AGBL4: variants seen among roughly 807,000 people sequenced by gnomAD.
AGBL4 encodes the protein cytosolic carboxypeptidase 6.
Under a neutral mutation model 66.4 loss-of-function variants are expected in AGBL4, and 58 were observed. The ratio of observed to expected loss-of-function variants is 0.87; its 90% CI spans 0.71 to 1.09. The LOEUF is 1.09. AGBL4 is among the 50% of genes least tolerant of loss of function. The pLI is 0.00. For missense variants in AGBL4, 579 were observed against 631.0 expected (o/e 0.92, Z 0.88); for synonymous variants, 234 against 222.9 (o/e 1.05, Z -0.44).
In AGBL4 at chr1:49,245,874, A is replaced by G; in HGVS notation, c.283-10T>C. The G allele has an allele frequency of 1.3e-6, 2 of 1,525,422 alleles. No individual in the cohort carries two copies. Among genetic ancestry groups the G allele is most frequent in the Non-Finnish European group, 1.8e-6 (2 of 1,124,010 alleles). 94.5% of individuals were successfully genotyped at this position (1,525,422 alleles called of 1,614,324 possible). ...TGTTGAAAATGACCCTCTGAAAAAG[A>G]AAGAGGGAGAAGTTCATCTTTATGC... On this transcript the variant is annotated splice_polypyrimidine_tract_variant and intron_variant, in intron 3 of 13. Transcript: ENST00000371839.
chr1:49,320,921 G>A (rs973202551), intron 3 of AGBL4, among the ~76,000 whole-genome samples: 3 of 152,166 alleles, frequency 2.0e-5, no homozygotes, highest in African/African-American at 4.8e-5. Context: ...GAGAGAAAGA[G>A]TGAAAGTAGA....
chr1:48,871,354 T>TGC (rs1648641415), intron 5 of AGBL4, among the ~76,000 whole-genome samples: 1 of 2,306 alleles, frequency 4.3e-4, no homozygotes, highest in Non-Finnish European at 4.3e-3. Context: ...TAGTAGTGGT[T>TGC]GTGTGTGTGT....
chr1:49,396,116 T>C (rs1269321659), intron 3 of AGBL4, among the ~76,000 whole-genome samples: 1 of 151,824 alleles, frequency 6.6e-6, no homozygotes, highest in Non-Finnish European at 1.5e-5. Context: ...CCCATGCTAA[T>C]CTTCACCTAT....
At chr1:49,500,019 C>T (rs1322680024) in intron 3 of AGBL4, among the ~76,000 whole-genome samples, 1 of 152,006 alleles carries the variant, frequency 6.6e-6, no homozygotes, top group Non-Finnish European at 1.5e-5. Context: ...CTTTTCACCA[C>T]ATCCACGTCA....
chr1:48,901,752 T>G (rs1055794030), intron 5 of AGBL4, among the ~76,000 whole-genome samples: 2 of 152,004 alleles, frequency 1.3e-5, no homozygotes, highest in Admixed American at 1.3e-4. Flanking sequence ...TGAGTGGGAA[T>G]AGGGGAGGGA....
At chr1:48,758,333 A>G (rs939100480) in intron 6 of AGBL4, among the ~76,000 whole-genome samples, 3 of 152,072 alleles carry the variant, frequency 2.0e-5, no homozygotes, top group Admixed American at 6.5e-5. Flanking sequence ...TGCTCCAGGT[A>G]TTTGCCCATG....
intron 3 of AGBL4, among the ~76,000 whole-genome samples, chr1:49,432,561 T>C (rs1645810426): frequency 6.6e-6 from 1 of 152,170 alleles, no homozygotes; most frequent in South Asian, 2.1e-4. Context: ...ATGTATGTGT[T>C]TTTATAAAAT....
chr1:49,831,074 TTG>T (rs1645659974), intron 2 of AGBL4, among the ~76,000 whole-genome samples: 1 of 152,220 alleles, frequency 6.6e-6, no homozygotes, highest in Admixed American at 6.5e-5. Context: ...TTGCTTGGGA[TTG>T]TCTTGGCTAT....
chr1:49,844,674 G>T, intron 2 of AGBL4: 1 of 1,582,764 alleles, frequency 6.3e-7, no homozygotes, highest in Non-Finnish European at 8.6e-7. Context: ...GACATTTCCA[G>T]TTTTTGCTTC....
intron 4 of AGBL4, among the ~76,000 whole-genome samples, chr1:49,119,107 G>A (rs555110915): frequency 2.0e-5 from 3 of 151,952 alleles, no homozygotes; most frequent in Admixed American, 6.6e-5. Flanking sequence ...TATTAGTCTT[G>A]CTAGTGTTCT....
intron 3 of AGBL4, among the ~76,000 whole-genome samples, chr1:49,447,406 C>T (rs544956011): frequency 6.6e-6 from 1 of 152,144 alleles, no homozygotes; most frequent in African/African-American, 2.4e-5. Context: ...TGCTGTGTTG[C>T]TGCAGCCCTC....
At chr1:48,909,239 G>A (rs145988197) in intron 5 of AGBL4, among the ~76,000 whole-genome samples, 183 of 152,276 alleles carry the variant, frequency 1.2e-3, no homozygotes, top group African/African-American at 4.3e-3. Flanking sequence ...GCATATGTTT[G>A]TAATGATAGT....
chr1:48,962,617 A>G (rs1449010596), intron 5 of AGBL4, among the ~76,000 whole-genome samples: 2 of 152,204 alleles, frequency 1.3e-5, no homozygotes, highest in Non-Finnish European at 1.5e-5. Context: ...CAGAAGTTGT[A>G]TAAGACCTGG....
At chr1:48,560,265 T>C (rs1644377659) in intron 11 of AGBL4, among the ~76,000 whole-genome samples, 1 of 152,212 alleles carries the variant, frequency 6.6e-6, no homozygotes, top group Admixed American at 6.5e-5. Context: ...TCAGAAAGGG[T>C]ATGTGTCCTT....
chr1:49,544,171 A>G (rs1652296076), intron 3 of AGBL4, among the ~76,000 whole-genome samples: 1 of 152,086 alleles, frequency 6.6e-6, no homozygotes, highest in South Asian at 2.1e-4. Flanking sequence ...TGTCCTCCTT[A>G]CTTGTTCAAA....
intron 5 of AGBL4, among the ~76,000 whole-genome samples, chr1:48,967,269 C>A (rs1198872409): frequency 6.6e-6 from 1 of 152,106 alleles, no homozygotes. Flanking sequence ...TCACCAAGAC[C>A]TGTGAGTACT....
At chr1:49,252,415 A>G (rs1009203766) in intron 3 of AGBL4, among the ~76,000 whole-genome samples, 1 of 152,194 alleles carries the variant, frequency 6.6e-6, no homozygotes, top group Non-Finnish European at 1.5e-5. Flanking sequence ...TTACGTAAAG[A>G]CATCAAATCT....
At chr1:48,702,683 C>T (rs1372869394) in intron 6 of AGBL4, among the ~76,000 whole-genome samples, 1 of 152,146 alleles carries the variant, frequency 6.6e-6, no homozygotes, top group Non-Finnish European at 1.5e-5. Context: ...CCAGGAACAC[C>T]TGGACACTTA....
chr1:48,912,478 G>T (rs140782628), intron 5 of AGBL4, among the ~76,000 whole-genome samples: 2 of 152,288 alleles, frequency 1.3e-5, no homozygotes, highest in African/African-American at 4.8e-5. Flanking sequence ...CGTTGCCATT[G>T]GGTTATGTTG....
Sources: gnomAD v4.1 joint callset for allele counts (sites outside exome capture counted in the v4.1 genomes callset) on GRCh38, gnomAD v4.1.1 for gene constraint, MANE v1.5 for transcripts, NCBI Gene and HGNC (gene_info 2026-07-23, HGNC 2026-07-21) for gene names.